Variants in PSMD1 observed in about 807,000 individuals in gnomAD.
PSMD1 encodes the protein proteasome 26S subunit, non-ATPase 1.
PSMD1 carries 18 observed loss-of-function variants against 119.0 expected under a neutral mutation model. That is an observed-to-expected ratio of 0.15 (90% CI 0.10 to 0.22). The LOEUF (loss-of-function observed/expected upper bound fraction) is 0.22. Ranked by LOEUF, PSMD1 falls within the 10% of genes least tolerant of loss-of-function variation. The pLI is 1.00. For missense variants in PSMD1, 702 were observed against 1,158.5 expected (o/e 0.61, Z 5.72); for synonymous variants, 374 against 396.6 (o/e 0.94, Z 0.68).
At chr2:231,166,141 T>C in intron 23 of PSMD1, 124 bp downstream of exon 23, 1 of 1,033,658 alleles carries the variant, frequency 9.7e-7, no homozygotes, top group Non-Finnish European at 1.3e-6. Flanking sequence ...TCTAAGAAAT[T>C]ATTTAACAAA....
chr2:231,111,808 T>C (rs1295476396), intron 16 of PSMD1, among the ~76,000 whole-genome samples: 12 of 152,246 alleles, frequency 7.9e-5, no homozygotes, highest in Non-Finnish European at 1.6e-4. Flanking sequence ...TTTCTAAATC[T>C]ATATATCATG....
At chr2:231,101,910 C>T (rs144458610) in intron 16 of PSMD1, among the ~76,000 whole-genome samples, 2 of 152,240 alleles carry the variant, frequency 1.3e-5, no homozygotes, top group Non-Finnish European at 2.9e-5. Context: ...CAAACCTGAG[C>T]TTATGGAGCT....
intron 17 of PSMD1, among the ~76,000 whole-genome samples, chr2:231,143,202 T>A (rs1574766916): frequency 8.9e-5 from 3 of 33,774 alleles, no homozygotes; most frequent in Non-Finnish European, 4.2e-4. Context: ...TGGTTTGGTT[T>A]GGTTTGGTTT....
chr2:231,059,256 A>G (rs375157447), intron 1 of PSMD1, among the ~76,000 whole-genome samples: 2 of 152,212 alleles, frequency 1.3e-5, no homozygotes, highest in East Asian at 3.8e-4. Context: ...TTATTGGATT[A>G]CTTGTCAACT....
intron 20 of PSMD1, 145 bp from the exon 21 acceptor site, chr2:231,163,489 TA>T (rs1696686190): frequency 7.1e-6 from 4 of 563,042 alleles, no homozygotes; most frequent in African/African-American, 3.8e-5. Flanking sequence ...ACTAAATCAG[TA>T]AAAGTAGACA....
At chr2:231,080,064 C>T in intron 11 of PSMD1, 77 bp from the exon 12 acceptor site, 1 of 1,296,208 alleles carries the variant, frequency 7.7e-7, no homozygotes, top group Non-Finnish European at 1.1e-6. Flanking sequence ...GGGGAAAAGG[C>T]AGTAATCATA....
At chr2:231,150,142 A>G (rs1281781079) in intron 18 of PSMD1, among the ~76,000 whole-genome samples, 1 of 152,096 alleles carries the variant, frequency 6.6e-6, no homozygotes, top group East Asian at 1.9e-4. Flanking sequence ...TCAGGAGTTC[A>G]AGACCAGCAT....
chr2:231,125,818 A>T (rs1695705495), intron 16 of PSMD1, among the ~76,000 whole-genome samples: 1 of 152,234 alleles, frequency 6.6e-6, no homozygotes, highest in African/African-American at 2.4e-5. Context: ...CTTTTAAAAG[A>T]TCATTATAGA....
chr2:231,105,971 C>G (rs1321193489), intron 16 of PSMD1, among the ~76,000 whole-genome samples: 1 of 137,710 alleles, frequency 7.3e-6, no homozygotes, highest in South Asian at 2.3e-4. Context: ...TTTTCTACAT[C>G]TTTGTTTTCT....
At chr2:231,134,530 G>A (rs1013005470) in intron 16 of PSMD1, among the ~76,000 whole-genome samples, 1 of 152,090 alleles carries the variant, frequency 6.6e-6, no homozygotes, top group African/African-American at 2.4e-5. Context: ...AGATAGAGAG[G>A]GTTCTTCAGA....
chr2:231,060,456 A>G (rs1341099635), intron 1 of PSMD1: 1 of 152,232 alleles, frequency 6.6e-6, no homozygotes, highest in African/African-American at 2.4e-5. Flanking sequence ...AAAGCATTTG[A>G]GAGTGGTTTC....
chr2:231,154,598 GC>G (rs1696444968), intron 19 of PSMD1, among the ~76,000 whole-genome samples: 1 of 152,166 alleles, frequency 6.6e-6, no homozygotes, highest in African/African-American at 2.4e-5. Flanking sequence ...CTCCCAAGTA[GC>G]TGAGACTACA....
intron 5 of PSMD1, among the ~76,000 whole-genome samples, chr2:231,069,335 T>G (rs1218531267): frequency 6.6e-6 from 1 of 152,180 alleles, no homozygotes; most frequent in Non-Finnish European, 1.5e-5. Context: ...TATTTTTTAT[T>G]TTTTTAATTT....
chr2:231,145,352 A>G (rs968570311), intron 17 of PSMD1, among the ~76,000 whole-genome samples: 2 of 152,198 alleles, frequency 1.3e-5, no homozygotes, highest in Admixed American at 6.5e-5. Flanking sequence ...TCATACAACT[A>G]TATAGGGCAC....
intron 19 of PSMD1, among the ~76,000 whole-genome samples, chr2:231,154,146 T>C (rs964413704): frequency 1.3e-5 from 2 of 151,418 alleles, no homozygotes; most frequent in Admixed American, 6.6e-5. Flanking sequence ...AAGTACAGGC[T>C]GTTGGCCAGG....
At position 231,084,026 on chromosome 2, in the gene PSMD1, G is replaced by A. The variant is rs554854574; in HGVS notation, c.1722+263G>A. On this transcript the variant is annotated intron_variant, in intron 14 of 24. Transcript: ENST00000308696. ...TAAGCAGATTCAGCATAGTTCTTTA[G>A]GAATTCACGAGTTGATTTCTTTTAG... 2.0e-3 allele frequency among the ~76,000 whole-genome samples: 300 copies of A among 152,274 alleles called. 1 individual carries two copies. The Middle Eastern group carries it at 0.068, about 35-fold the overall frequency.
chr2:231,142,268 C>T (rs1696142003), intron 17 of PSMD1, among the ~76,000 whole-genome samples: 1 of 152,096 alleles, frequency 6.6e-6, no homozygotes, highest in Non-Finnish European at 1.5e-5. Flanking sequence ...TTCAGTTTTA[C>T]TAGAGATGTC....
chr2:231,133,560 T>C (rs935396728), intron 16 of PSMD1: 1 of 152,218 alleles, frequency 6.6e-6, no homozygotes, highest in African/African-American at 2.4e-5. Context: ...TTGATGTGTC[T>C]AAATGTGGAA....
At chr2:231,089,615 G>A (rs1384686360) in intron 16 of PSMD1, among the ~76,000 whole-genome samples, 1 of 148,318 alleles carries the variant, frequency 6.7e-6, no homozygotes, top group African/African-American at 2.6e-5. Context: ...ATATATATAT[G>A]GGAGTTTATT....
Sources: gnomAD v4.1 joint callset for allele counts (sites outside exome capture counted in the v4.1 genomes callset) on GRCh38, gnomAD v4.1.1 for gene constraint, MANE v1.5 for transcripts, NCBI Gene and HGNC (gene_info 2026-07-23, HGNC 2026-07-21) for gene names.